Variants in EXO1 observed in about 807,000 individuals in gnomAD.
EXO1 encodes exonuclease 1.
Under a neutral mutation model 84.5 loss-of-function variants are expected in EXO1, and 69 were observed. That is an observed-to-expected ratio of 0.82 (90% CI 0.67 to 1.00). EXO1 has a LOEUF of 1.00. Among genes scored for constraint, EXO1 ranks in the 50% least tolerant of loss-of-function variants. The pLI is 0.00. For missense variants in EXO1, 1,045 were observed against 1,000.7 expected (o/e 1.04, Z -0.60); for synonymous variants, 373 against 366.1 (o/e 1.02, Z -0.21).
At position 241,872,138 on chromosome 1, in the gene EXO1, GT is replaced by G. The variant is rs1662139625; in HGVS notation, c.1377del (p.Phe459LeufsTer6). The G allele has an allele frequency of 6.2e-7, 1 of 1,613,892 alleles. No homozygotes were observed. Among genetic ancestry groups the G allele is most frequent in the Non-Finnish European group, 8.5e-7 (1 of 1,179,974 alleles). On this transcript the variant is annotated frameshift_variant, in exon 12 of 16. Coordinates refer to ENST00000366548, the MANE Select transcript of EXO1 (RefSeq NM_130398.4). LOFTEE classifies it high-confidence loss of function. ...ATAAATCATTGAGCTTTTCTGAAGT[GT>G]TTGTGCCTGACCTGGTAAATGGACC... The part of the protein sequence containing the change: ...GNKSLSFSEV[F>X]VPDLVNGPTN...
At chr1:241,859,775 G>T (rs1485312297) in intron 8 of EXO1, among the ~76,000 whole-genome samples, 1 of 152,122 alleles carries the variant, frequency 6.6e-6, no homozygotes, top group Admixed American at 6.5e-5. Flanking sequence ...TCTGGACATT[G>T]CTACTTTGTA....
chr1:241,855,915 GCCCGCAAGCACCGCGCGCAGC>G (rs1290479930), intron 6 of EXO1, among the ~76,000 whole-genome samples: 1 of 152,212 alleles, frequency 6.6e-6, no homozygotes, highest in African/African-American at 2.4e-5. Flanking sequence ...ACTCCAGCTG[GCCCGCAAGCACCGCGCGCAGC>G]CCCAGTTCTC....
intron 3 of EXO1, 111 bp from the exon 4 acceptor site, chr1:241,850,294 ACAAC>A: frequency 2.6e-6 from 2 of 769,428 alleles, no homozygotes; most frequent in Non-Finnish European, 4.2e-6. Flanking sequence ...AAAAAAAAAA[ACAAC>A]AAACCAATTT....
At chr1:241,875,970 T>A (rs1342768629) in intron 12 of EXO1, among the ~76,000 whole-genome samples, 4 of 152,220 alleles carry the variant, frequency 2.6e-5, no homozygotes, top group African/African-American at 9.6e-5. Context: ...GTTTTTCCGC[T>A]GGGGTGAGAG....
chr1:241,877,320 T>C (rs962014474), intron 12 of EXO1, among the ~76,000 whole-genome samples: 2 of 152,170 alleles, frequency 1.3e-5, no homozygotes, highest in African/African-American at 4.8e-5. Context: ...ACCCTGGGCA[T>C]TGTCACTATC....
intron 7 of EXO1, among the ~76,000 whole-genome samples, chr1:241,857,728 G>A (rs897126400): frequency 1.1e-4 from 16 of 152,024 alleles, no homozygotes; most frequent in African/African-American, 3.9e-4. Context: ...TTTGTGTAAT[G>A]TGGATACTTT....
At chr1:241,858,408 G>A (rs186670142) in intron 7 of EXO1, 98 bp from the exon 8 acceptor site, 1 of 762,324 alleles carries the variant, frequency 1.3e-6, no homozygotes, top group Admixed American at 1.9e-5. Context: ...TCAGTGTTAT[G>A]GTGAAGAACA....
Position 241,860,679 on chromosome 1 carries a change from C to A in EXO1, c.919C>A (p.Pro307Thr), listed in dbSNP as rs201323654. The A allele has an allele frequency of 1.4e-5, 23 of 1,613,788 alleles. No homozygotes were observed. The highest frequency in any genetic ancestry group is 1.9e-5 in the Non-Finnish European group (22 of 1,179,738). Residue 307 changes from proline to threonine, a missense_variant, in exon 9 of 16, where the codon CCT (proline) becomes ACT (threonine). Physicochemically the swap from Pro to Thr is conservative, Grantham distance 38. Transcript: ENST00000366548. ...GAACGCCTATGAAGATGATGTTGAT[C>A]CTGAAACACTAAGCTACGCTGGGCA... is the stretch of plus-strand genomic sequence containing the variant. ...PLNAYEDDVD[P>T]ETLSYAGQYV...
At chr1:241,850,895 C>A (rs1660635514) in intron 4 of EXO1, among the ~76,000 whole-genome samples, 1 of 133,018 alleles carries the variant, frequency 7.5e-6, no homozygotes, top group Non-Finnish European at 1.5e-5. Context: ...AGTGCAGTGG[C>A]ACAATCTTGG....
intron 9 of EXO1, 126 bp from the exon 10 acceptor site, chr1:241,861,280 A>G (rs1369908854): frequency 2.9e-6 from 2 of 680,132 alleles, no homozygotes; most frequent in African/African-American, 1.8e-5. Context: ...GTATAAAGTA[A>G]GGAGACTCCA....
At chr1:241,884,747 G>A (rs1366668525) in intron 14 of EXO1, among the ~76,000 whole-genome samples, 2 of 152,190 alleles carry the variant, frequency 1.3e-5, no homozygotes, top group Non-Finnish European at 1.5e-5. Context: ...GGGAGGCAGC[G>A]AGAGACATTC....
Position 241,862,322 on chromosome 1 carries a change from TTC to T in EXO1, c.1041+822_1041+823del, listed in dbSNP as rs1574148646. Among the ~76,000 whole-genome samples, 5 of 152,358 alleles carry T rather than the reference TTC, an allele frequency of 3.3e-5. No individual in the cohort carries two copies. The East Asian group carries it at 9.6e-4, about 29-fold the overall frequency. On this transcript the variant is annotated intron_variant, in intron 10 of 15. Coordinates refer to ENST00000366548, the MANE Select transcript of EXO1 (RefSeq NM_130398.4). Reference sequence around the variant, plus strand: ...CCCATCATTGTCTTTCTCTTTGTATTTCTGTTTATCCTCTGTTCTCTTTTCTG... The same window carrying T: ...CCCATCATTGTCTTTCTCTTTGTATTTGTTTATCCTCTGTTCTCTTTTCTG...
Position 241,857,490 on chromosome 1 carries a change from C to T in EXO1, c.543+8C>T. The T allele has an allele frequency of 6.2e-7, 1 of 1,610,766 alleles. No individual in the cohort carries two copies. Among genetic ancestry groups the T allele is most frequent in the Non-Finnish European group, 8.5e-7 (1 of 1,177,618 alleles). On this transcript the variant is annotated splice_region_variant and intron_variant, in intron 7 of 15. Coordinates refer to ENST00000366548, the MANE Select transcript of EXO1 (RefSeq NM_130398.4). ...GCTTTTGGCTGTAAAAAGGTACTCACCTCTGACTACTATATATTACTTTTC... is the reference window on the plus strand; with the variant it reads ...GCTTTTGGCTGTAAAAAGGTACTCATCTCTGACTACTATATATTACTTTTC...
In EXO1 at chr1:241,850,523, G is replaced by C. The variant is rs771577156; in HGVS notation, c.98G>C (p.Cys33Ser). ...CAGGTAGTAGCTGTGGATACATATT[G>C]CTGGCTTCACAAAGGAGCTATTGCT... ...KGQVVAVDTY[C>S]WLHKGAIACA... Residue 33 changes from cysteine (C) to serine (S), a missense_variant, in exon 4 of 16, where the codon TGC (cysteine) becomes TCC (serine). Physicochemically the swap from Cys to Ser is moderately radical, Grantham distance 112 (BLOSUM62 -1). Coordinates refer to ENST00000366548, the MANE Select transcript of EXO1 (RefSeq NM_130398.4). The C allele has an allele frequency of 1.4e-5, 23 of 1,613,882 alleles. No individual in the cohort carries two copies. The Admixed American group carries it at 3.8e-4, about 27-fold the overall frequency.
chr1:241,871,551 A>G (rs1043237439), intron 11 of EXO1, among the ~76,000 whole-genome samples: 5 of 152,368 alleles, frequency 3.3e-5, no homozygotes, highest in African/African-American at 7.2e-5. Context: ...TCAGAGCTAC[A>G]GCACAAATTA....
intron 11 of EXO1, among the ~76,000 whole-genome samples, chr1:241,871,276 C>T (rs1662076631): frequency 6.6e-6 from 1 of 152,164 alleles, no homozygotes; most frequent in South Asian, 2.1e-4. Flanking sequence ...TGAGACATCT[C>T]GTTTCTGGTA....
intron 6 of EXO1, among the ~76,000 whole-genome samples, chr1:241,856,500 ATG>A (rs1385635423): frequency 2.0e-5 from 3 of 152,066 alleles, no homozygotes; most frequent in African/African-American, 7.2e-5. Flanking sequence ...AGAGTTATGT[ATG>A]TGTGTATATA....
intron 4 of EXO1, 140 bp from the exon 5 acceptor site, chr1:241,852,152 C>T (rs1317495944): frequency 4.1e-6 from 3 of 726,572 alleles, no homozygotes; most frequent in Non-Finnish European, 4.6e-6. Context: ...GTTAGAGTTC[C>T]AATTCCTATG....
rs570636802 is a variant in EXO1, at chr1:241,863,519, A to G, written c.1041+2017A>G. Among the ~76,000 whole-genome samples, 25 of 152,300 alleles carry G rather than the reference A, an allele frequency of 1.6e-4. 1 individual carries two copies. The South Asian group carries it at 5.0e-3, about 30-fold the overall frequency. ...GAATATCTTAGTGTTTACCATGTAA[A>G]GGAACCAGATCTTGAGAAAAAAAGA... On this transcript the variant is annotated intron_variant, in intron 10 of 15. Coordinates refer to ENST00000366548, the MANE Select transcript of EXO1 (RefSeq NM_130398.4).
Sources: gnomAD v4.1 joint callset for allele counts (sites outside exome capture counted in the v4.1 genomes callset) on GRCh38, gnomAD v4.1.1 for gene constraint, MANE v1.5 for transcripts, NCBI Gene and HGNC (gene_info 2026-07-23, HGNC 2026-07-21) for gene names.